EYA2: variants seen among roughly 807,000 people sequenced by gnomAD.
EYA2 encodes protein phosphatase EYA2.
In EYA2, 31 loss-of-function variants were observed where a neutral mutation model predicts 69.2. The observed-to-expected ratio is 0.45, with a 90% CI of 0.34 to 0.60. EYA2 has a LOEUF of 0.60. Among genes scored for constraint, EYA2 ranks in the 20% least tolerant of loss-of-function variants. EYA2 has a pLI of 0.02. For missense variants in EYA2, 622 were observed against 701.2 expected (o/e 0.89, Z 1.28); for synonymous variants, 257 against 279.4 (o/e 0.92, Z 0.80).
intron 1 of EYA2, among the ~76,000 whole-genome samples, chr20:46,952,130 G>T (rs573048923): frequency 6.6e-6 from 1 of 152,186 alleles, no homozygotes; most frequent in Admixed American, 6.5e-5. Flanking sequence ...GAAGAACTCC[G>T]CCGAGCAATG....
intron 8 of EYA2, chr20:47,095,967 T>C (rs1402128647): frequency 1.3e-5 from 2 of 152,252 alleles, no homozygotes; most frequent in Non-Finnish European, 2.9e-5. Context: ...TGGAGGTTTC[T>C]ATCACTGAGG....
intron 9 of EYA2, among the ~76,000 whole-genome samples, chr20:47,113,946 T>C (rs769851200): frequency 6.6e-6 from 1 of 152,024 alleles, no homozygotes; most frequent in Non-Finnish European, 1.5e-5. Flanking sequence ...CTAGGTGTCA[T>C]TCAAAGTAGC....
At chr20:46,942,792 GA>G (rs1428201314) in intron 1 of EYA2, among the ~76,000 whole-genome samples, 2 of 152,160 alleles carry the variant, frequency 1.3e-5, no homozygotes, top group Non-Finnish European at 2.9e-5. Context: ...TTTTGACAGG[GA>G]GTCTTGCTGT....
chr20:47,079,390 T>C (rs1374022466), intron 7 of EYA2, among the ~76,000 whole-genome samples: 1 of 152,208 alleles, frequency 6.6e-6, no homozygotes, highest in Non-Finnish European at 1.5e-5. Flanking sequence ...AATCACTTCC[T>C]TGCCCTTCTA....
chr20:47,043,180 C>T (rs1012976811), intron 5 of EYA2, among the ~76,000 whole-genome samples: 4 of 152,286 alleles, frequency 2.6e-5, no homozygotes, highest in Non-Finnish European at 5.9e-5. Context: ...TTATATTTTT[C>T]CTTAAAAGGG....
At position 47,179,963 on chromosome 20, in the gene EYA2, G is replaced by T. The variant is rs371315841; in HGVS notation, c.1313+51G>T. ...TGTGCCACTGAACTTTCTCGCAGTA[G>T]ACAGTGGTGGCTCCTGCATGTCCAC... On this transcript the variant is annotated intron_variant, in intron 13 of 15. Coordinates refer to ENST00000327619, the MANE Select transcript of EYA2 (RefSeq NM_005244.5). 1,925 of 1,323,098 alleles carry T rather than the reference G, an allele frequency of 1.5e-3. 8 individuals carry two copies. The highest frequency in any genetic ancestry group is 2.6e-3 in the South Asian group (216 of 84,248). 82.0% of individuals were successfully genotyped at this position (1,323,098 alleles called of 1,614,324 possible). A position where few individuals can be genotyped will look rare whatever the true frequency, so the allele number is the denominator to read the frequency against.
chr20:47,046,747 G>T (rs1210420175), intron 5 of EYA2, among the ~76,000 whole-genome samples: 1 of 148,110 alleles, frequency 6.8e-6, no homozygotes, highest in Non-Finnish European at 1.5e-5. Context: ...TTCTGGACCA[G>T]GTTTGACACT....
intron 5 of EYA2, among the ~76,000 whole-genome samples, chr20:47,022,108 T>C (rs1482550998): frequency 2.0e-5 from 3 of 152,224 alleles, no homozygotes. Flanking sequence ...TGCAGGCTGT[T>C]GTGCCTTGTA....
intron 1 of EYA2, among the ~76,000 whole-genome samples, chr20:46,966,652 CA>C (rs961104179): frequency 5.3e-5 from 8 of 151,676 alleles, no homozygotes; most frequent in Admixed American, 5.3e-4. Flanking sequence ...ACTCAAAATA[CA>C]AAAAAAATTA....
intron 1 of EYA2, among the ~76,000 whole-genome samples, chr20:46,985,980 C>T (rs531673851): frequency 6.6e-6 from 1 of 152,194 alleles, no homozygotes; most frequent in South Asian, 2.1e-4. Context: ...TATTTTTTAA[C>T]CTCATTGTTT....
At chr20:46,924,409 G>A (rs1251236008) in intron 1 of EYA2, among the ~76,000 whole-genome samples, 2 of 152,098 alleles carry the variant, frequency 1.3e-5, no homozygotes, top group African/African-American at 4.8e-5. Flanking sequence ...GCTGGCTCAC[G>A]CCTGTAATCC....
At chr20:46,906,968 C>A (rs913585241) in intron 1 of EYA2, among the ~76,000 whole-genome samples, 1 of 152,172 alleles carries the variant, frequency 6.6e-6, no homozygotes, top group Non-Finnish European at 1.5e-5. Context: ...CTTTAGGGTA[C>A]AGTACACTAC....
chr20:47,057,043 TGAAAG>T (rs970433303), intron 5 of EYA2, among the ~76,000 whole-genome samples: 1 of 124,552 alleles, frequency 8.0e-6, no homozygotes, highest in Non-Finnish European at 1.6e-5. Context: ...GAGGCACTGT[TGAAAG>T]AAAGAAAGGG....
chr20:47,168,141 G>T (rs964732617), intron 10 of EYA2, among the ~76,000 whole-genome samples: 2 of 151,952 alleles, frequency 1.3e-5, no homozygotes, highest in Non-Finnish European at 2.9e-5. Flanking sequence ...GGGGACCTTG[G>T]GTCCCTCTGA....
chr20:46,970,896 GA>G (rs1438095788), intron 1 of EYA2, among the ~76,000 whole-genome samples: 1 of 151,846 alleles, frequency 6.6e-6, no homozygotes, highest in Admixed American at 6.6e-5. Flanking sequence ...GACTTACACG[GA>G]AATATTGACA....
intron 10 of EYA2, among the ~76,000 whole-genome samples, chr20:47,144,405 A>AC (rs1163017662): frequency 6.6e-6 from 1 of 152,160 alleles, no homozygotes; most frequent in East Asian, 1.9e-4. Context: ...AAAACTGTAT[A>AC]CAAAAAAACA....
intron 10 of EYA2, among the ~76,000 whole-genome samples, chr20:47,164,611 A>G (rs79044923): frequency 0.018 from 2,812 of 152,210 alleles, 95 homozygotes; most frequent in African/African-American, 0.064. Flanking sequence ...AGGATTGCTC[A>G]TTCTAGGCCA....
chr20:47,096,754 G>T (rs2032257903), intron 8 of EYA2, among the ~76,000 whole-genome samples: 1 of 152,198 alleles, frequency 6.6e-6, no homozygotes, highest in African/African-American at 2.4e-5. Context: ...TAAAATGGTG[G>T]TATTTCATTT....
At chr20:47,093,534 G>A (rs2032150946) in intron 8 of EYA2, among the ~76,000 whole-genome samples, 1 of 152,230 alleles carries the variant, frequency 6.6e-6, no homozygotes, top group Admixed American at 6.5e-5. Flanking sequence ...GCTCTCCCTT[G>A]CCTTCAGGGT....
Sources: gnomAD v4.1 joint callset for allele counts (sites outside exome capture counted in the v4.1 genomes callset) on GRCh38, gnomAD v4.1.1 for gene constraint, MANE v1.5 for transcripts, NCBI Gene and HGNC (gene_info 2026-07-23, HGNC 2026-07-21) for gene names.